Variants in INPP4B observed in about 807,000 individuals in gnomAD.
INPP4B encodes the protein inositol polyphosphate-4-phosphatase type II B, also known as inositol polyphosphate 4-phosphatase type II.
INPP4B carries 55 observed loss-of-function variants against 122.5 expected under a neutral mutation model. The observed-to-expected ratio is 0.45, with a 90% CI of 0.36 to 0.56. The LOEUF (loss-of-function observed/expected upper bound fraction) is 0.56. Ranked by LOEUF, INPP4B falls within the 20% of genes least tolerant of loss-of-function variation. The probability of loss-of-function intolerance (pLI) is 0.00; values close to 1 mark genes in which losing one functional copy is unlikely to be tolerated. For missense variants in INPP4B, 1,000 were observed against 1,097.7 expected, an observed-to-expected ratio of 0.91 and a Z score of 1.26; for synonymous variants, 403 against 388.7, an observed-to-expected ratio of 1.04 and a Z score of -0.43.
chr4:142,830,905 C>A (rs902038178), intron 1 of INPP4B, among the ~76,000 whole-genome samples: 3 of 151,346 alleles, frequency 2.0e-5, no homozygotes, highest in Admixed American at 6.6e-5. Flanking sequence ...GCCTGTAGTC[C>A]CAGCTACTAG....
chr4:142,667,106 A>G (rs924535470), intron 2 of INPP4B, among the ~76,000 whole-genome samples: 1 of 152,224 alleles, frequency 6.6e-6, no homozygotes, highest in Non-Finnish European at 1.5e-5. Context: ...ACAGCATAAT[A>G]GGCTCAAAAC....
At chr4:142,315,992 CT>C (rs963734177) in intron 7 of INPP4B, among the ~76,000 whole-genome samples, 29 of 152,102 alleles carry the variant, frequency 1.9e-4, no homozygotes, top group African/African-American at 7.0e-4. Context: ...TATTAAAAGA[CT>C]TGAATCAGCT....
At chr4:142,758,846 G>A (rs552187744) in intron 1 of INPP4B, among the ~76,000 whole-genome samples, 11 of 151,870 alleles carry the variant, frequency 7.2e-5, no homozygotes, top group Non-Finnish European at 1.0e-4. Flanking sequence ...CCAGCTACTC[G>A]GGAGGCTGCG....
At chr4:142,524,620 G>A (rs1020629197) in intron 2 of INPP4B, among the ~76,000 whole-genome samples, 1 of 152,106 alleles carries the variant, frequency 6.6e-6, no homozygotes, top group Non-Finnish European at 1.5e-5. Context: ...CATATAAACA[G>A]AGCCAAAGAC....
intron 14 of INPP4B, chr4:142,202,728 T>C: frequency 1.0e-6 from 1 of 984,568 alleles, no homozygotes; most frequent in Non-Finnish European, 1.2e-6. Context: ...TTAGTTAAGC[T>C]TCTTTTCATA....
At chr4:142,612,469 C>G (rs574325806) in intron 2 of INPP4B, among the ~76,000 whole-genome samples, 13 of 152,118 alleles carry the variant, frequency 8.5e-5, no homozygotes, top group Non-Finnish European at 1.8e-4. Context: ...AGTTTAAAAA[C>G]AACAGAAATG....
At chr4:142,829,623 T>G (rs911411446) in intron 1 of INPP4B, among the ~76,000 whole-genome samples, 3 of 152,136 alleles carry the variant, frequency 2.0e-5, no homozygotes, top group African/African-American at 7.2e-5. Context: ...ACACTGACAG[T>G]GAAATTCTTA....
At chr4:142,497,150 T>C (rs1462130660) in intron 2 of INPP4B, among the ~76,000 whole-genome samples, 1 of 152,076 alleles carries the variant, frequency 6.6e-6, no homozygotes, top group African/African-American at 2.4e-5. Flanking sequence ...ACCCTGTTTC[T>C]CTAGCATGCC....
chr4:142,412,928 A>G (rs906545920), intron 5 of INPP4B, among the ~76,000 whole-genome samples: 3 of 152,180 alleles, frequency 2.0e-5, no homozygotes, highest in African/African-American at 7.2e-5. Context: ...TTGGGACTCT[A>G]GGAGTCAAGC....
intron 9 of INPP4B, among the ~76,000 whole-genome samples, chr4:142,284,319 A>G (rs1752526662): frequency 6.6e-6 from 1 of 152,146 alleles, no homozygotes; most frequent in Non-Finnish European, 1.5e-5. Context: ...GCAAAAGAAA[A>G]ATGACATAAG....
intron 1 of INPP4B, among the ~76,000 whole-genome samples, chr4:142,794,965 T>C (rs1050438913): frequency 6.6e-6 from 1 of 151,740 alleles, no homozygotes; most frequent in Non-Finnish European, 1.5e-5. Flanking sequence ...TACATATATA[T>C]ATTCATGCAT....
chr4:142,679,600 T>C (rs1758302413), intron 2 of INPP4B, among the ~76,000 whole-genome samples: 1 of 151,782 alleles, frequency 6.6e-6, no homozygotes, highest in Non-Finnish European at 1.5e-5. Flanking sequence ...TAAACACCAT[T>C]ACAGGGGTCA....
At chr4:142,374,427 T>C (rs939464991) in intron 7 of INPP4B, among the ~76,000 whole-genome samples, 1 of 151,928 alleles carries the variant, frequency 6.6e-6, no homozygotes, top group African/African-American at 2.4e-5. Context: ...TTGGAAGATG[T>C]AGAATAGAGA....
At chr4:142,030,213 G>A in intron 25 of INPP4B, 4 of 1,535,686 alleles carry the variant, frequency 2.6e-6, no homozygotes, top group Non-Finnish European at 3.5e-6. Context: ...CAAGGCGACA[G>A]GATAGAAGTG....
At chr4:142,825,242 G>T (rs2151165412) in intron 1 of INPP4B, among the ~76,000 whole-genome samples, 1 of 152,186 alleles carries the variant, frequency 6.6e-6, no homozygotes, top group East Asian at 1.9e-4. Context: ...TTACTATAAT[G>T]TAAGTATTGA....
intron 23 of INPP4B, among the ~76,000 whole-genome samples, chr4:142,092,298 T>G (rs1000041567): frequency 3.3e-5 from 5 of 152,086 alleles, no homozygotes; most frequent in Non-Finnish European, 5.9e-5. Flanking sequence ...TTTTGTTTGC[T>G]TTTGTTTTTT....
intron 11 of INPP4B, 130 bp downstream of exon 11, chr4:142,260,362 C>G: frequency 1.5e-6 from 1 of 675,086 alleles, no homozygotes; most frequent in Non-Finnish European, 2.7e-6. Flanking sequence ...TTCTGCTGGC[C>G]CCTTATGATT....
intron 2 of INPP4B, among the ~76,000 whole-genome samples, chr4:142,554,270 C>A (rs1728647577): frequency 6.8e-6 from 1 of 146,512 alleles, no homozygotes; most frequent in African/African-American, 2.5e-5. Flanking sequence ...CCCAGAATGA[C>A]AAATGTTTTC....
At chr4:142,276,436 A>G (rs1748426859) in intron 9 of INPP4B, among the ~76,000 whole-genome samples, 1 of 151,858 alleles carries the variant, frequency 6.6e-6, no homozygotes, top group South Asian at 2.1e-4. Context: ...TTAAATAATG[A>G]AGTATGGTTT....
Sources: allele counts gnomAD v4.1 joint callset (sites outside exome capture counted in the v4.1 genomes callset), GRCh38; gene constraint gnomAD v4.1.1; transcripts MANE v1.5; gene names NCBI Gene and HGNC (gene_info 2026-07-23, HGNC 2026-07-21).